GRID2: variants seen among roughly 807,000 people sequenced by gnomAD.
The protein encoded by GRID2 is glutamate receptor ionotropic, delta-2.
A neutral mutation model predicts 114.8 loss-of-function variants in GRID2; 33 were observed. The ratio of observed to expected loss-of-function variants is 0.29; its 90% CI spans 0.22 to 0.38. GRID2 has a LOEUF of 0.38. GRID2 is among the 10% of genes least tolerant of loss of function. GRID2 has a pLI of 1.00. For missense variants in GRID2, 1,184 were observed against 1,257.7 expected, an observed-to-expected ratio of 0.94 and a Z score of 0.89; for synonymous variants, 505 against 449.9, an observed-to-expected ratio of 1.12 and a Z score of -1.55.
At chr4:92,314,718 A>G (rs1171346202) in intron 1 of GRID2, among the ~76,000 whole-genome samples, 1 of 152,134 alleles carries the variant, frequency 6.6e-6, no homozygotes, top group East Asian at 1.9e-4. Flanking sequence ...GCATAAATGA[A>G]CTTAATGTTT....
intron 12 of GRID2, among the ~76,000 whole-genome samples, chr4:93,497,805 CTATTTTAGT>C (rs1343393672): frequency 3.3e-5 from 5 of 151,724 alleles, no homozygotes; most frequent in Non-Finnish European, 5.9e-5. Flanking sequence ...ATCATTTTAG[CTATTTTAGT>C]TCCTTTGTCT....
At chr4:92,458,315 C>G (rs2149085139) in intron 1 of GRID2, among the ~76,000 whole-genome samples, 1 of 152,294 alleles carries the variant, frequency 6.6e-6, no homozygotes, top group East Asian at 1.9e-4. Flanking sequence ...TTAATTAAGT[C>G]TGTGACCTTG....
intron 1 of GRID2, among the ~76,000 whole-genome samples, chr4:92,419,551 C>T (rs779775782): frequency 3.9e-5 from 6 of 151,992 alleles, no homozygotes; most frequent in Non-Finnish European, 7.4e-5. Context: ...AGTCATATCT[C>T]GTGTTTCTGG....
chr4:92,814,316 G>A (rs186518211), intron 2 of GRID2, among the ~76,000 whole-genome samples: 356 of 152,224 alleles, frequency 2.3e-3, no homozygotes, highest in African/African-American at 7.1e-3. Flanking sequence ...TTATGTAATG[G>A]AAGATTAGCT....
intron 2 of GRID2, among the ~76,000 whole-genome samples, chr4:92,764,140 A>G (rs1738150441): frequency 6.6e-6 from 1 of 152,082 alleles, no homozygotes; most frequent in Non-Finnish European, 1.5e-5. Context: ...TTCTTTGAAG[A>G]CTTTCTGGAA....
intron 1 of GRID2, among the ~76,000 whole-genome samples, chr4:92,458,547 T>G (rs544613310): frequency 6.6e-5 from 10 of 152,338 alleles, no homozygotes; most frequent in African/African-American, 2.4e-4. Flanking sequence ...TTTTGTATTC[T>G]GTTTCATTTG....
At chr4:92,304,831 T>C in intron 1 of GRID2, 87 bp downstream of exon 1, 1 of 939,498 alleles carries the variant, frequency 1.1e-6, no homozygotes, top group Non-Finnish European at 1.7e-6. Context: ...CTCCGGTCTC[T>C]GTGTGTCTTG....
chr4:92,859,017 G>A (rs1744353188), intron 2 of GRID2, among the ~76,000 whole-genome samples: 1 of 152,176 alleles, frequency 6.6e-6, no homozygotes, highest in Non-Finnish European at 1.5e-5. Context: ...CCAGAGGATT[G>A]ACTCCAATTT....
chr4:92,359,600 TG>T (rs2110198586), intron 1 of GRID2, among the ~76,000 whole-genome samples: 1 of 152,116 alleles, frequency 6.6e-6, no homozygotes, highest in Non-Finnish European at 1.5e-5. Flanking sequence ...TACAGAGGTT[TG>T]TGCATTTCAA....
intron 2 of GRID2, among the ~76,000 whole-genome samples, chr4:92,966,911 C>A (rs1753192678): frequency 6.6e-6 from 1 of 151,870 alleles, no homozygotes; most frequent in Non-Finnish European, 1.5e-5. Context: ...TTATCCTAAA[C>A]AATACAATGA....
intron 3 of GRID2, among the ~76,000 whole-genome samples, chr4:93,093,530 A>G (rs1730954484): frequency 6.6e-6 from 1 of 152,052 alleles, no homozygotes; most frequent in South Asian, 2.1e-4. Flanking sequence ...GGAAATTAGA[A>G]GCATATAACA....
chr4:93,408,792 A>G (rs1011380026), intron 9 of GRID2, among the ~76,000 whole-genome samples: 2 of 152,150 alleles, frequency 1.3e-5, no homozygotes, highest in African/African-American at 4.8e-5. Context: ...TTGCTTTTAA[A>G]TATCAGCACC....
Position 93,774,123 on chromosome 4 carries a change from T to C in GRID2, c.*1625T>C, listed in dbSNP as rs1734285420. 2.0e-5 allele frequency: 3 copies of C among 152,082 alleles called. No homozygotes were observed. The South Asian group carries it at 6.2e-4, about 31-fold the overall frequency. The allele number at this position is 152,082 out of a possible 1,614,324, so 9.4% of individuals were successfully genotyped here. On this transcript the variant is annotated 3_prime_UTR_variant, in exon 16 of 16. Coordinates refer to ENST00000282020, the MANE Select transcript of GRID2 (RefSeq NM_001510.4). ...TTAAAAGGTATATTCTTAAGATATA[T>C]TATATTTTGATGCTAATTCTGTTCT...
rs572388661 is a variant in GRID2, at chr4:92,335,165, A to C, written c.88+30421A>C. Among the ~76,000 whole-genome samples the C allele has an allele frequency of 2.0e-5, 3 of 152,298 alleles. No homozygotes were observed. In the South Asian group the frequency reaches 6.2e-4, roughly 32 times the overall value. On this transcript the variant is annotated intron_variant, in intron 1 of 15. Coordinates refer to ENST00000282020, the MANE Select transcript of GRID2 (RefSeq NM_001510.4). ...CTGTGGTCTAAGAAAAATTATGTTTAAAGTTTTAACTTCAGAGTTAGCATC... is the reference window on the plus strand; with the variant it reads ...CTGTGGTCTAAGAAAAATTATGTTTCAAGTTTTAACTTCAGAGTTAGCATC...
intron 2 of GRID2, among the ~76,000 whole-genome samples, chr4:92,786,435 T>A (rs1039676003): frequency 3.3e-5 from 5 of 151,872 alleles, no homozygotes; most frequent in African/African-American, 1.2e-4. Flanking sequence ...TAAGGCTTTT[T>A]TAAACTCTAT....
intron 2 of GRID2, among the ~76,000 whole-genome samples, chr4:93,004,024 G>A (rs569792112): frequency 6.6e-6 from 1 of 151,938 alleles, no homozygotes; most frequent in East Asian, 1.9e-4. Context: ...CTTTGCTAAG[G>A]AAACATAAGA....
At position 92,304,614 on chromosome 4, in the gene GRID2, T is replaced by C. The variant is rs970103213; in HGVS notation, c.-43T>C. ...TTTGGACTGTTTGAAAAAAAAAAAA[T>C]TGGAAGAAAATCCATCCTCCAAGAG... On this transcript the variant is annotated 5_prime_UTR_variant, in exon 1 of 16. Coordinates refer to ENST00000282020, the MANE Select transcript of GRID2 (RefSeq NM_001510.4). The C allele has an allele frequency of 5.3e-6, 7 of 1,310,264 alleles. No individual in the cohort carries two copies. The highest frequency in any genetic ancestry group is 2.3e-5 in the East Asian group (1 of 42,872). The allele number at this position is 1,310,264 out of a possible 1,614,324, so 81.2% of individuals were successfully genotyped here.
At chr4:93,158,182 G>GA (rs1476436204) in intron 4 of GRID2, among the ~76,000 whole-genome samples, 1 of 151,788 alleles carries the variant, frequency 6.6e-6, no homozygotes, top group Non-Finnish European at 1.5e-5. Context: ...CCACTAGAGG[G>GA]AAAGATAATT....
Position 93,772,360 on chromosome 4 carries a change from T to A in GRID2, c.2886T>A (p.Thr962=). The A allele has an allele frequency of 6.2e-7, 1 of 1,614,136 alleles. No individual in the cohort carries two copies. The highest frequency in any genetic ancestry group is 1.3e-5 in the African/African-American group (1 of 75,048). ...FTFGNVPEHR[T]GPFRHRAPNG... ...TTGGCAACGTGCCTGAGCACCGAACTGGCCCTTTTAGGCACAGGGCACCTA... is the reference window on the plus strand; with the variant it reads ...TTGGCAACGTGCCTGAGCACCGAACAGGCCCTTTTAGGCACAGGGCACCTA... The change falls in exon 16 of 16, where the codon ACT becomes ACA. Residue 962 remains threonine (T), a synonymous_variant. Transcript: ENST00000282020.
Sources: gnomAD v4.1 joint callset for allele counts (sites outside exome capture counted in the v4.1 genomes callset) on GRCh38, gnomAD v4.1.1 for gene constraint, MANE v1.5 for transcripts, NCBI Gene and HGNC (gene_info 2026-07-23, HGNC 2026-07-21) for gene names.